NRXN3: variants seen among roughly 807,000 people sequenced by gnomAD.
NRXN3 encodes neurexin III.
In NRXN3, 32 loss-of-function variants were observed where a neutral mutation model predicts 137.6. That is an observed-to-expected ratio of 0.23 (90% CI 0.18 to 0.31). The LOEUF is 0.31. Ranked by LOEUF, NRXN3 falls within the 10% of genes least tolerant of loss-of-function variation. The pLI is 1.00. For missense variants in NRXN3, 1,574 were observed against 2,062.5 expected (o/e 0.76, Z 4.59); for synonymous variants, 798 against 784.5 (o/e 1.02, Z -0.29).
intron 15 of NRXN3, among the ~76,000 whole-genome samples, chr14:79,283,402 C>T (rs181989761): frequency 1.3e-5 from 2 of 152,230 alleles, no homozygotes; most frequent in South Asian, 2.1e-4. Context: ...GCTCCCACCC[C>T]CTTTCTCTAC....
At chr14:78,402,239 G>A (rs575194830) in intron 4 of NRXN3, among the ~76,000 whole-genome samples, 32 of 152,314 alleles carry the variant, frequency 2.1e-4, no homozygotes, top group African/African-American at 7.5e-4. Context: ...CACATGCAAC[G>A]ACCTTTTCAC....
At chr14:78,217,287 C>CA (rs2063390209) in intron 1 of NRXN3, among the ~76,000 whole-genome samples, 1 of 152,104 alleles carries the variant, frequency 6.6e-6, no homozygotes, top group Non-Finnish European at 1.5e-5. Flanking sequence ...TTTTTAAGAA[C>CA]AAAAATATTA....
intron 10 of NRXN3, among the ~76,000 whole-genome samples, chr14:78,836,636 A>T (rs553137873): frequency 1.3e-5 from 2 of 152,204 alleles, no homozygotes; most frequent in Non-Finnish European, 2.9e-5. Flanking sequence ...AGAAAGGAAA[A>T]TAAAACAGCA....
At chr14:79,360,379 A>G (rs2093641581) in intron 15 of NRXN3, among the ~76,000 whole-genome samples, 1 of 152,236 alleles carries the variant, frequency 6.6e-6, no homozygotes, top group Non-Finnish European at 1.5e-5. Flanking sequence ...TGCTAGGATT[A>G]CAGGCGTGAG....
At chr14:79,208,966 T>C (rs981100474) in intron 15 of NRXN3, among the ~76,000 whole-genome samples, 4 of 152,000 alleles carry the variant, frequency 2.6e-5, no homozygotes, top group African/African-American at 9.7e-5. Flanking sequence ...TGAGATGGAG[T>C]CTTGCTCTGT....
At chr14:79,053,987 T>C (rs1057221526) in intron 15 of NRXN3, among the ~76,000 whole-genome samples, 9 of 151,800 alleles carry the variant, frequency 5.9e-5, no homozygotes, top group African/African-American at 1.7e-4. Flanking sequence ...TGGCTCTTCA[T>C]TGATGAGTTC....
In NRXN3 at chr14:79,160,769, C is replaced by T. The variant is rs1459999054; in HGVS notation, c.3262+172628C>T. 3.3e-5 allele frequency among the ~76,000 whole-genome samples: 5 copies of T among 151,998 alleles called. No individual in the cohort carries two copies. In the East Asian group the frequency reaches 9.7e-4, roughly 30 times the overall value. On this transcript the variant is annotated intron_variant, in intron 15 of 20. Transcript: ENST00000335750. ...CTTAAGAGGCTTCACGTGTTGTAGG[C>T]AGAAGCTGACAGATGGCACATGGTG...
rs529446602 is a variant in NRXN3, at chr14:78,820,703, G to A, written c.2275+10359G>A. 1.4e-4 allele frequency among the ~76,000 whole-genome samples: 22 copies of A among 152,248 alleles called. No homozygotes were observed. The South Asian group carries it at 4.6e-3, about 32-fold the overall frequency. ...GGACCCTGTGGAAAAATGAAAACAA[G>A]AGAGGCTATCAAGGGGTGCAAGTAA... On this transcript the variant is annotated intron_variant, in intron 10 of 20. Transcript: ENST00000335750.
At chr14:78,951,733 TGAGCATCAGAATGTGACCACA>T (rs1296662280) in intron 10 of NRXN3, among the ~76,000 whole-genome samples, 2 of 152,178 alleles carry the variant, frequency 1.3e-5, no homozygotes, top group Admixed American at 1.3e-4. Context: ...AGGATCAGAA[TGAGCATCAGAATGTGACCACA>T]GTGCCTGGTT....
intron 15 of NRXN3, among the ~76,000 whole-genome samples, chr14:79,092,142 A>T (rs937440621): frequency 1.3e-5 from 2 of 152,184 alleles, no homozygotes; most frequent in Non-Finnish European, 2.9e-5. Flanking sequence ...AAGATTTATG[A>T]TGTGTGTTCC....
chr14:78,456,799 C>CTT (rs1177466177), intron 4 of NRXN3, among the ~76,000 whole-genome samples: 30 of 97,690 alleles, frequency 3.1e-4, no homozygotes, highest in African/African-American at 8.8e-4. Context: ...CTCTCTTTCT[C>CTT]TCTTTCTTTC....
chr14:79,520,729 T>G (rs986039410), intron 16 of NRXN3, among the ~76,000 whole-genome samples: 6 of 152,154 alleles, frequency 3.9e-5, no homozygotes, highest in African/African-American at 1.4e-4. Flanking sequence ...TACCATCTCA[T>G]GCAAGTTAGA....
intron 2 of NRXN3, among the ~76,000 whole-genome samples, chr14:78,261,261 T>C (rs551788167): frequency 6.6e-6 from 1 of 152,358 alleles, no homozygotes; most frequent in East Asian, 1.9e-4. Flanking sequence ...CCAGTATTCA[T>C]TGACCTGTCT....
chr14:79,018,872 C>A (rs958350400), intron 15 of NRXN3, among the ~76,000 whole-genome samples: 1 of 152,132 alleles, frequency 6.6e-6, no homozygotes, highest in African/African-American at 2.4e-5. Flanking sequence ...ACTGAGCACC[C>A]CTGCCCTGGC....
intron 6 of NRXN3, among the ~76,000 whole-genome samples, chr14:78,657,116 T>C (rs1199887877): frequency 6.8e-6 from 1 of 147,406 alleles, no homozygotes; most frequent in Non-Finnish European, 1.5e-5. Flanking sequence ...GATTGGCGCC[T>C]GCCTCTCTGA....
At chr14:78,376,757 G>T (rs554667106) in intron 4 of NRXN3, among the ~76,000 whole-genome samples, 1 of 152,156 alleles carries the variant, frequency 6.6e-6, no homozygotes, top group Non-Finnish European at 1.5e-5. Flanking sequence ...CCCTATTCCA[G>T]CTGAATAGCC....
At chr14:78,918,826 G>A (rs1290921241) in intron 10 of NRXN3, among the ~76,000 whole-genome samples, 1 of 152,112 alleles carries the variant, frequency 6.6e-6, no homozygotes, top group African/African-American at 2.4e-5. Context: ...TTGTAGCCTA[G>A]GAGCATACCA....
intron 15 of NRXN3, among the ~76,000 whole-genome samples, chr14:79,392,417 A>T (rs1043111544): frequency 2.0e-5 from 3 of 152,150 alleles, no homozygotes; most frequent in African/African-American, 7.2e-5. Context: ...GTTTGTTCCA[A>T]GTCTTTGCTA....
At chr14:78,829,451 C>A (rs2098975815) in intron 10 of NRXN3, among the ~76,000 whole-genome samples, 1 of 152,102 alleles carries the variant, frequency 6.6e-6, no homozygotes, top group Admixed American at 6.5e-5. Context: ...ATCCATAGGT[C>A]TAGTCATTTG....
Sources: allele counts gnomAD v4.1 joint callset (sites outside exome capture counted in the v4.1 genomes callset), GRCh38; gene constraint gnomAD v4.1.1; transcripts MANE v1.5; gene names NCBI Gene and HGNC (gene_info 2026-07-23, HGNC 2026-07-21).